NMNAT2: variants seen among roughly 807,000 people sequenced by gnomAD.
The protein encoded by NMNAT2 is nicotinamide/nicotinic acid mononucleotide adenylyltransferase 2.
Under a neutral mutation model 41.6 loss-of-function variants are expected in NMNAT2, and 11 were observed. That is an observed-to-expected ratio of 0.26 (90% confidence interval 0.17 to 0.44). NMNAT2 has a LOEUF of 0.44. Ranked by LOEUF, NMNAT2 falls within the 20% of genes least tolerant of loss-of-function variation. NMNAT2 has a pLI of 1.00. For missense variants in NMNAT2, 288 were observed against 407.7 expected, an observed-to-expected ratio of 0.71 and a Z score of 2.53; for synonymous variants, 148 against 151.2, an observed-to-expected ratio of 0.98 and a Z score of 0.16.
intron 1 of NMNAT2, among the ~76,000 whole-genome samples, chr1:183,338,150 A>T (rs998526644): frequency 4.5e-4 from 8 of 17,788 alleles, no homozygotes; most frequent in African/African-American, 1.8e-3. Flanking sequence ...CCATCTCTTT[A>T]AAAAAAAAAA....
chr1:183,409,728 T>C (rs1305368073), intron 1 of NMNAT2, among the ~76,000 whole-genome samples: 1 of 152,188 alleles, frequency 6.6e-6, no homozygotes, highest in African/African-American at 2.4e-5. Context: ...TTTCAGACAA[T>C]TAAGCCTGTG....
chr1:183,304,850 T>C (rs1661960142), intron 1 of NMNAT2: 3 of 1,573,084 alleles, frequency 1.9e-6, no homozygotes, highest in Non-Finnish European at 1.7e-6. Flanking sequence ...TTTGCTCCAC[T>C]ACCTCCAGCT....
At position 183,248,355 on chromosome 1, in the gene NMNAT2, A is replaced by C. The variant is rs201973941; in HGVS notation, c.*4286T>G. The C allele has an allele frequency of 2.0e-5, 3 of 152,664 alleles. No individual in the cohort carries two copies. Among genetic ancestry groups the C allele is most frequent in the Non-Finnish European group, 4.4e-5 (3 of 68,046 alleles). The allele number at this position is 152,664 out of a possible 1,614,324, so 9.5% of individuals were successfully genotyped here. A position where few individuals can be genotyped will look rare whatever the true frequency, so the allele number is the denominator to read the frequency against. On this transcript the variant is annotated 3_prime_UTR_variant, in exon 11 of 11. Transcript: ENST00000287713. ...TATTTCACTGTGAAATGGTATTGCA[A>C]CTTGAATATCATTTTTTATTAATGA...
At chr1:183,394,819 C>T (rs1385142397) in intron 1 of NMNAT2, among the ~76,000 whole-genome samples, 1 of 152,218 alleles carries the variant, frequency 6.6e-6, no homozygotes, top group Non-Finnish European at 1.5e-5. Flanking sequence ...TCCATTCTCA[C>T]TGACAGTGAA....
intron 1 of NMNAT2, among the ~76,000 whole-genome samples, chr1:183,378,815 A>AG (rs11380819): frequency 0.98 from 149,155 of 152,282 alleles, 73,066 homozygotes; most frequent in East Asian, 1. Context: ...AGGCCATGGC[A>AG]GCAGATTGCT....
At chr1:183,371,793 G>C (rs1663549849) in intron 1 of NMNAT2, among the ~76,000 whole-genome samples, 1 of 151,962 alleles carries the variant, frequency 6.6e-6, no homozygotes, top group Non-Finnish European at 1.5e-5. Context: ...TTGTTTGTTT[G>C]TTTTGAAACA....
chr1:183,394,124 A>T (rs1469807574), intron 1 of NMNAT2, among the ~76,000 whole-genome samples: 1 of 152,250 alleles, frequency 6.6e-6, no homozygotes, highest in Non-Finnish European at 1.5e-5. Flanking sequence ...CTAATAACTT[A>T]TTAACATGTT....
intron 1 of NMNAT2, among the ~76,000 whole-genome samples, chr1:183,330,597 G>C (rs1350438288): frequency 1.3e-5 from 2 of 152,218 alleles, no homozygotes; most frequent in Non-Finnish European, 2.9e-5. Context: ...TGACTGGCCA[G>C]TTATCTCCCC....
intron 1 of NMNAT2, among the ~76,000 whole-genome samples, chr1:183,382,324 G>A (rs369736255): frequency 6.8e-6 from 1 of 147,126 alleles, no homozygotes; most frequent in Non-Finnish European, 1.5e-5. Context: ...TCCAACACTG[G>A]GGGTTACAAC....
At chr1:183,253,376 G>A (rs1660441986) in intron 10 of NMNAT2, among the ~76,000 whole-genome samples, 1 of 149,618 alleles carries the variant, frequency 6.7e-6, no homozygotes, top group Non-Finnish European at 1.5e-5. Context: ...TACTGTAGTG[G>A]ACCAAATTAA....
chr1:183,314,768 A>G (rs1336538462), intron 1 of NMNAT2, among the ~76,000 whole-genome samples: 2 of 152,130 alleles, frequency 1.3e-5, no homozygotes, highest in African/African-American at 4.8e-5. Flanking sequence ...AATCTCAGCT[A>G]CTCAAGAAGC....
At chr1:183,307,426 C>A (rs1662018418) in intron 1 of NMNAT2, among the ~76,000 whole-genome samples, 1 of 148,364 alleles carries the variant, frequency 6.7e-6, no homozygotes, top group Non-Finnish European at 1.5e-5. Flanking sequence ...CTTGCCTCAG[C>A]CTCCCTAGTA....
At chr1:183,278,946 T>C (rs1022920483) in intron 7 of NMNAT2, among the ~76,000 whole-genome samples, 1 of 152,210 alleles carries the variant, frequency 6.6e-6, no homozygotes, top group Admixed American at 6.5e-5. Context: ...GGATGGTTCA[T>C]TATTGTAACT....
chr1:183,375,758 T>G (rs1306888275), intron 1 of NMNAT2, among the ~76,000 whole-genome samples: 1 of 151,102 alleles, frequency 6.6e-6, no homozygotes, highest in Non-Finnish European at 1.5e-5. Context: ...TTTATTCTCC[T>G]CCCTCCAACT....
intron 7 of NMNAT2, among the ~76,000 whole-genome samples, chr1:183,280,106 C>G (rs1383596897): frequency 1.3e-5 from 2 of 152,170 alleles, no homozygotes; most frequent in Non-Finnish European, 2.9e-5. Context: ...CTCTGCGTTG[C>G]GCCATAGGAT....
intron 4 of NMNAT2, among the ~76,000 whole-genome samples, chr1:183,287,046 C>T (rs74755407): frequency 0.029 from 4,463 of 152,118 alleles, 228 homozygotes; most frequent in African/African-American, 0.1. Flanking sequence ...AGCTATGTGA[C>T]CTTGGACAGT....
At chr1:183,327,737 C>T (rs189596605) in intron 1 of NMNAT2, among the ~76,000 whole-genome samples, 1 of 152,338 alleles carries the variant, frequency 6.6e-6, no homozygotes, top group Admixed American at 6.5e-5. Context: ...TTCTGAGTCA[C>T]TTGGACAGAT....
chr1:183,391,128 C>T (rs1187714498), intron 1 of NMNAT2, among the ~76,000 whole-genome samples: 1 of 152,198 alleles, frequency 6.6e-6, no homozygotes, highest in Non-Finnish European at 1.5e-5. Flanking sequence ...CTCCACACCA[C>T]ATCACTTAGG....
chr1:183,378,358 C>T (rs2101914438), intron 1 of NMNAT2, among the ~76,000 whole-genome samples: 1 of 151,618 alleles, frequency 6.6e-6, no homozygotes, highest in African/African-American at 2.4e-5. Flanking sequence ...TGCATTATTG[C>T]ACTCCAGCCT....
Sources: gnomAD v4.1 joint callset for allele counts (sites outside exome capture counted in the v4.1 genomes callset) on GRCh38, gnomAD v4.1.1 for gene constraint, MANE v1.5 for transcripts, NCBI Gene and HGNC (gene_info 2026-07-23, HGNC 2026-07-21) for gene names.